Variants in MTM1 observed in about 807,000 individuals in gnomAD.
The protein encoded by MTM1 is myotubularin.
MTM1 carries 9 observed loss-of-function variants against 52.1 expected under a neutral mutation model. The ratio of observed to expected loss-of-function variants is 0.17; its 90% confidence interval spans 0.10 to 0.30. MTM1 has a LOEUF of 0.30. Among genes scored for constraint, MTM1 ranks in the 10% least tolerant of loss-of-function variants. MTM1 has a pLI of 1.00. For missense variants in MTM1, 277 were observed against 470.7 expected (o/e 0.59, Z 3.81); for synonymous variants, 136 against 163.8 (o/e 0.83, Z 1.29).
At chrX:150,579,061 AT>A (rs782366329) in intron 1 of MTM1, among the ~76,000 whole-genome samples, 1 of 102,336 alleles carries the variant, frequency 9.8e-6, no homozygotes, top group East Asian at 3.2e-4. Context: ...CTATCTGTAT[AT>A]TTTTGTTTTG....
intron 10 of MTM1, among the ~76,000 whole-genome samples, chrX:150,650,120 T>C (rs1557414139): frequency 1.8e-5 from 2 of 111,972 alleles, no homozygotes; most frequent in African/African-American, 6.5e-5. Context: ...TGCAAAGACA[T>C]CTCTTTCCAT....
At chrX:150,626,919 C>G (rs2039579363) in intron 6 of MTM1, among the ~76,000 whole-genome samples, 1 of 110,990 alleles carries the variant, frequency 9.0e-6, no homozygotes, top group African/African-American at 3.3e-5. Flanking sequence ...TTTTAAGTCT[C>G]CTTCCTTCCT....
intron 1 of MTM1, chrX:150,591,035 A>G: frequency 1.3e-6 from 1 of 749,694 alleles, no homozygotes; most frequent in Admixed American, 8.6e-5. Context: ...TTGGACATGA[A>G]CTTAAGGTTA....
intron 12 of MTM1, 71 bp downstream of exon 12, chrX:150,659,827 G>A (rs1415964837): frequency 1.1e-6 from 1 of 888,962 alleles, no homozygotes; most frequent in Non-Finnish European, 1.6e-6. Flanking sequence ...TAATGATTGG[G>A]ATTTGACCCC....
upstream of MTM1, among the ~76,000 whole-genome samples, chrX:150,564,151 T>C (rs1412605043): frequency 8.9e-6 from 1 of 111,798 alleles, no homozygotes; most frequent in Non-Finnish European, 1.9e-5. Flanking sequence ...CATTATTGTT[T>C]TGCCTTTTCC....
At chrX:150,655,466 A>G (rs1245390092) in intron 10 of MTM1, among the ~76,000 whole-genome samples, 1 of 112,421 alleles carries the variant, frequency 8.9e-6, no homozygotes, top group Non-Finnish European at 1.9e-5. Flanking sequence ...CACTATTCAT[A>G]GTAACCAAAT....
chrX:150,577,157 C>T (rs1290302996), intron 1 of MTM1, among the ~76,000 whole-genome samples: 1 of 111,776 alleles, frequency 8.9e-6, no homozygotes, highest in African/African-American at 3.3e-5. Flanking sequence ...TCCTGACTTT[C>T]TGTTGCTGAG....
At chrX:150,591,733 A>G (rs2038889081) in intron 1 of MTM1, among the ~76,000 whole-genome samples, 1 of 112,749 alleles carries the variant, frequency 8.9e-6, no homozygotes, top group South Asian at 3.6e-4. Context: ...CTCCGGCATA[A>G]ATGGGTTAAT....
chrX:150,659,920 C>T (rs1234690611), intron 12 of MTM1, among the ~76,000 whole-genome samples, 164 bp downstream of exon 12: 2 of 111,878 alleles, frequency 1.8e-5, no homozygotes. Context: ...TGAGCGTTCA[C>T]CTTTTTATTC....
chrX:150,565,699 C>T (rs1248153622), upstream of MTM1, among the ~76,000 whole-genome samples: 5 of 111,741 alleles, frequency 4.5e-5, no homozygotes, highest in Admixed American at 1.9e-4. Flanking sequence ...TGCTGCCTAG[C>T]CTGCCTCCCC....
At chrX:150,580,204 C>T (rs1249988740) in intron 1 of MTM1, among the ~76,000 whole-genome samples, 1 of 111,731 alleles carries the variant, frequency 9.0e-6, no homozygotes, top group Non-Finnish European at 1.9e-5. Flanking sequence ...TGTTGAATTA[C>T]GTTAATAGAA....
chrX:150,631,690 A>AAAAAAAAAAAAT (rs1569565474), intron 6 of MTM1, among the ~76,000 whole-genome samples: 1 of 108,984 alleles, frequency 9.2e-6, no homozygotes, highest in African/African-American at 3.3e-5. Context: ...AAAAAAAAAA[A>AAAAAAAAAAAAT]AACAAATAAA....
intron 2 of MTM1, among the ~76,000 whole-genome samples, chrX:150,594,692 T>C (rs2038945871): frequency 1.8e-5 from 2 of 112,216 alleles, no homozygotes; most frequent in African/African-American, 6.5e-5. Flanking sequence ...ATAAATCCTT[T>C]GTGTAATGCT....
chrX:150,576,849 T>C (rs1238656525), intron 1 of MTM1, among the ~76,000 whole-genome samples: 1 of 112,508 alleles, frequency 8.9e-6, no homozygotes, highest in African/African-American at 3.2e-5. Flanking sequence ...TTCTGCTGTT[T>C]GGATGTTTCA....
chrX:150,598,775 G>T, intron 4 of MTM1, 89 bp downstream of exon 4: 1 of 636,223 alleles, frequency 1.6e-6, no homozygotes, highest in Non-Finnish European at 2.5e-6. Context: ...ATTGACTGTG[G>T]GTCAAATTAA....
chrX:150,596,563 A>T lies in MTM1; in HGVS notation c.129A>T (p.Leu43=), dbSNP rs782178520. 8.3e-7 allele frequency: 1 copy of T among 1,204,550 alleles called. No individual in the cohort carries two copies. ...EAVPRLPGET[L]ITDKEVIYIC... is the part of the protein sequence containing the mutation. ...TTCCTCGACTTCCAGGAGAAACACTAATCACTGGTAAGGACCTGCTGACAT... is the reference window on the plus strand; with the variant it reads ...TTCCTCGACTTCCAGGAGAAACACTTATCACTGGTAAGGACCTGCTGACAT... Residue 43 remains leucine (L), a synonymous_variant, in exon 3 of 15, where the codon CTA becomes CTT. Coordinates refer to ENST00000370396, the MANE Select transcript of MTM1 (RefSeq NM_000252.3).
intron 4 of MTM1, among the ~76,000 whole-genome samples, chrX:150,599,544 G>A (rs1317622703): frequency 8.9e-6 from 1 of 112,261 alleles, no homozygotes; most frequent in African/African-American, 3.2e-5. Context: ...GGGAAATGTA[G>A]CTTTTTTATT....
chrX:150,622,904 C>A (rs1277237961), intron 6 of MTM1, among the ~76,000 whole-genome samples: 1 of 111,858 alleles, frequency 8.9e-6, no homozygotes, highest in Non-Finnish European at 1.9e-5. Flanking sequence ...CCACTGAAGG[C>A]CTGCCCCTCA....
At chrX:150,592,737 AT>A in intron 2 of MTM1, 60 bp downstream of exon 2, 1 of 802,334 alleles carries the variant, frequency 1.2e-6, no homozygotes, top group Non-Finnish European at 1.9e-6. Flanking sequence ...ATATTTGAAT[AT>A]TAGGTCATTT....
Sources: allele counts gnomAD v4.1 joint callset (sites outside exome capture counted in the v4.1 genomes callset), GRCh38; gene constraint gnomAD v4.1.1; transcripts MANE v1.5; gene names NCBI Gene and HGNC (gene_info 2026-07-23, HGNC 2026-07-21).